The following BCKDHB variants were observed in gnomAD, a reference collection of about 807,000 sequenced individuals.
The protein encoded by BCKDHB is 2-oxoisovalerate dehydrogenase subunit beta, mitochondrial.
A neutral mutation model predicts 48.5 loss-of-function variants in BCKDHB; 41 were observed. That is an observed-to-expected ratio of 0.85 (90% CI 0.66 to 1.10). BCKDHB has a LOEUF of 1.10. Among genes scored for constraint, BCKDHB ranks in the 50% least tolerant of loss-of-function variants. BCKDHB has a pLI of 0.00. For missense variants in BCKDHB, 496 were observed against 494.2 expected (o/e 1.00, Z -0.03); for synonymous variants, 201 against 174.8 (o/e 1.15, Z -1.18).
the BCKDHB span, among the ~76,000 whole-genome samples, chr6:80,386,989 C>T: frequency 6.6e-6 from 1 of 152,092 alleles, no homozygotes; most frequent in Non-Finnish European, 1.5e-5. Flanking sequence ...CATCCCCCCC[C>T]AAGGAGACCT....
chr6:80,459,552 G>C, the BCKDHB span, among the ~76,000 whole-genome samples: 1 of 152,256 alleles, frequency 6.6e-6, no homozygotes, highest in South Asian at 2.1e-4. Context: ...GAGATCTGCT[G>C]TACAACGTTG....
chr6:80,134,743 T>TTTAATTTATTTA (rs1554184962), intron 3 of BCKDHB, among the ~76,000 whole-genome samples: 7 of 151,188 alleles, frequency 4.6e-5, no homozygotes, highest in African/African-American at 1.7e-4. Context: ...TTTTGTTTTA[T>TTTAATTTATTTA]TTTATTTATT....
At chr6:80,318,558 A>T (rs1768555602) in intron 9 of BCKDHB, among the ~76,000 whole-genome samples, 1 of 151,936 alleles carries the variant, frequency 6.6e-6, no homozygotes, top group Non-Finnish European at 1.5e-5. Context: ...GGCAGCATGC[A>T]CCTGTAGTCC....
intron 1 of BCKDHB, among the ~76,000 whole-genome samples, chr6:80,121,832 T>G (rs1017124705): frequency 1.3e-5 from 2 of 152,224 alleles, no homozygotes; most frequent in Non-Finnish European, 2.9e-5. Context: ...TTTTCCTAAT[T>G]GAAAACCCTT....
chr6:80,361,397 C>T, the BCKDHB span, among the ~76,000 whole-genome samples: 1 of 152,178 alleles, frequency 6.6e-6, no homozygotes, highest in Admixed American at 6.5e-5. Flanking sequence ...GATGGCATCT[C>T]TAGTAGAGTA....
Position 80,243,245 on chromosome 6 carries a change from A to G in BCKDHB, c.952-29890A>G, listed in dbSNP as rs113891253. On this transcript the variant is annotated intron_variant, in intron 8 of 9. Coordinates refer to ENST00000320393, the MANE Select transcript of BCKDHB (RefSeq NM_183050.4). The stretch of plus-strand genomic sequence containing the variant: ...GCTCATTCCCAGGCAAAGGCTTATT[A>G]TGTTTCATTCTTCAGCACCAGCACA... Among the ~76,000 whole-genome samples the G allele has an allele frequency of 1.4e-3, 213 of 152,242 alleles. 1 individual carries two copies. Among genetic ancestry groups the G allele is most frequent in the South Asian group, 3.7e-3 (18 of 4,824 alleles).
intron 1 of BCKDHB, among the ~76,000 whole-genome samples, chr6:80,125,154 T>C (rs1291875378): frequency 1.3e-5 from 2 of 152,228 alleles, no homozygotes; most frequent in Non-Finnish European, 2.9e-5. Flanking sequence ...CCATCAGCAC[T>C]TTATGCTTCA....
intron 8 of BCKDHB, among the ~76,000 whole-genome samples, chr6:80,240,758 A>G (rs969935092): frequency 1.3e-5 from 2 of 152,270 alleles, no homozygotes; most frequent in Admixed American, 1.3e-4. Flanking sequence ...TTTAAAGGGA[A>G]TGCTTCCAGT....
At chr6:80,152,184 C>T (rs1278127340) in intron 3 of BCKDHB, among the ~76,000 whole-genome samples, 1 of 149,396 alleles carries the variant, frequency 6.7e-6, no homozygotes, top group Non-Finnish European at 1.5e-5. Flanking sequence ...TCTGTTTATT[C>T]AGCATCAGCT....
intron 8 of BCKDHB, among the ~76,000 whole-genome samples, chr6:80,271,795 AGAGT>A (rs1444557150): frequency 1.3e-5 from 2 of 149,490 alleles, no homozygotes; most frequent in African/African-American, 4.9e-5. Context: ...CCTGAGCAAC[AGAGT>A]GAGACTCCAT....
chr6:80,177,021 TTGAGACCAGCCTGGGCAA>T (rs1773188371), intron 6 of BCKDHB, among the ~76,000 whole-genome samples: 1 of 151,524 alleles, frequency 6.6e-6, no homozygotes, highest in South Asian at 2.1e-4. Context: ...GCCCAGGAGT[TTGAGACCAGCCTGGGCAA>T]TATGGTAAAA....
At chr6:80,396,682 TAGTC>T in the BCKDHB span, among the ~76,000 whole-genome samples, 6 of 152,234 alleles carry the variant, frequency 3.9e-5, no homozygotes, top group South Asian at 6.2e-4. Flanking sequence ...GTTCTTGTGA[TAGTC>T]AGTGAATTCT....
intron 9 of BCKDHB, among the ~76,000 whole-genome samples, chr6:80,332,611 C>T (rs1203358185): frequency 6.6e-6 from 1 of 151,000 alleles, no homozygotes; most frequent in Non-Finnish European, 1.5e-5. Context: ...TACTTAGTTA[C>T]CTAAATTTGT....
intron 6 of BCKDHB, among the ~76,000 whole-genome samples, chr6:80,182,812 A>C (rs1388811987): frequency 6.6e-6 from 1 of 152,186 alleles, no homozygotes; most frequent in Non-Finnish European, 1.5e-5. Flanking sequence ...TAAAATGTAC[A>C]CACACAAATA....
chr6:80,180,345 A>C (rs1773352815), intron 6 of BCKDHB, among the ~76,000 whole-genome samples: 1 of 152,190 alleles, frequency 6.6e-6, no homozygotes, highest in South Asian at 2.1e-4. Flanking sequence ...GGATGTTTAG[A>C]AAAGGTAGAT....
intron 6 of BCKDHB, among the ~76,000 whole-genome samples, chr6:80,196,123 T>C (rs1774117004): frequency 6.6e-6 from 1 of 152,166 alleles, no homozygotes; most frequent in South Asian, 2.1e-4. Context: ...TGAGTTGTTA[T>C]TTTGTTGCAG....
At chr6:80,283,454 G>T (rs1209565572) in intron 9 of BCKDHB, among the ~76,000 whole-genome samples, 1 of 151,952 alleles carries the variant, frequency 6.6e-6, no homozygotes, top group Admixed American at 6.6e-5. Flanking sequence ...TGAATTCAAA[G>T]GTGCATTCAT....
chr6:80,372,262 GC>G, the BCKDHB span, among the ~76,000 whole-genome samples: 6 of 151,914 alleles, frequency 3.9e-5, no homozygotes, highest in African/African-American at 7.2e-5. Flanking sequence ...TTGATTCTCA[GC>G]TTGGTCACTG....
intron 9 of BCKDHB, among the ~76,000 whole-genome samples, chr6:80,301,435 T>C (rs1767573651): frequency 3.3e-5 from 5 of 152,026 alleles, no homozygotes; most frequent in African/African-American, 1.2e-4. Flanking sequence ...TACAGGAAAT[T>C]GTCAAATCCC....
Sources: allele counts gnomAD v4.1 joint callset (sites outside exome capture counted in the v4.1 genomes callset), GRCh38; gene constraint gnomAD v4.1.1; transcripts MANE v1.5; gene names NCBI Gene and HGNC (gene_info 2026-07-23, HGNC 2026-07-21).